Variants in LIG1 observed in about 807,000 individuals in gnomAD.
LIG1 encodes ligase I, DNA, ATP-dependent.
LIG1 carries 70 observed loss-of-function variants against 115.7 expected under a neutral mutation model. The ratio of observed to expected loss-of-function variants is 0.60; its 90% CI spans 0.50 to 0.74. LIG1 has a LOEUF of 0.74. LIG1 is among the 30% of genes least tolerant of loss of function. The probability of loss-of-function intolerance (pLI) is 0.00; values close to 1 mark genes in which losing one functional copy is unlikely to be tolerated. For synonymous variants in LIG1, 487 were observed against 495.3 expected (o/e 0.98, Z 0.22); for missense variants, 1,115 against 1,225.6 (o/e 0.91, Z 1.35).
At chr19:48,155,359 AG>A (rs1265948977) in intron 5 of LIG1, among the ~76,000 whole-genome samples, 1 of 152,186 alleles carries the variant, frequency 6.6e-6, no homozygotes, top group Non-Finnish European at 1.5e-5. Flanking sequence ...CCGATTCTCC[AG>A]AAACAAGGAA....
chr19:48,137,573 G>A lies in LIG1; in HGVS notation c.1203C>T (p.Ala401=), dbSNP rs1466077767. The change falls in exon 13 of 28, where the codon GCC becomes GCT. Residue 401 remains alanine (A), a synonymous_variant. Transcript: ENST00000263274. The surrounding 1 kb of genome is among the most constrained non-coding windows in gnomAD (Gnocchi z 4.3). ...RLMLPPPPLT[A]SGVFSKFRDI... ...CGCGGAACTTGCTGAAGACCCCGGAGGCAGTGAGCGGAGGTGGTGGCAGCA... is the reference window on the plus strand; with the variant it reads ...CGCGGAACTTGCTGAAGACCCCGGAAGCAGTGAGCGGAGGTGGTGGCAGCA... The A allele has an allele frequency of 8.1e-6, 13 of 1,613,382 alleles. No homozygotes were observed. The highest frequency in any genetic ancestry group is 1.1e-5 in the Non-Finnish European group (13 of 1,180,022).
chr19:48,120,623 G>C (rs1380246032), intron 24 of LIG1: 1 of 900,640 alleles, frequency 1.1e-6, no homozygotes, highest in Non-Finnish European at 1.3e-6. Flanking sequence ...AGCTAGGGGT[G>C]AGCCATGGAG....
At chr19:48,158,463 C>A (rs745788062) in intron 4 of LIG1, among the ~76,000 whole-genome samples, 2 of 152,234 alleles carry the variant, frequency 1.3e-5, no homozygotes, top group African/African-American at 4.8e-5. Flanking sequence ...GCCACTGCTA[C>A]CGTGTCTCGG....
chr19:48,123,670 T>C (rs1310948813), intron 21 of LIG1: 1 of 346,734 alleles, frequency 2.9e-6, no homozygotes, highest in Non-Finnish European at 5.6e-6. Context: ...CAGGCTGGAG[T>C]GCGGTGGTGC....
At chr19:48,161,188 C>T in intron 4 of LIG1, 184 bp downstream of exon 4, 1 of 781,994 alleles carries the variant, frequency 1.3e-6, no homozygotes, top group Non-Finnish European at 2.2e-6. Context: ...AGGAGCCCAC[C>T]CGAGGTCCTA....
chr19:48,161,116 T>C, intron 4 of LIG1: 4 of 558,846 alleles, frequency 7.2e-6, no homozygotes, highest in South Asian at 3.9e-5. Context: ...AGTCACCCTA[T>C]GAGGAAGGTG....
Position 48,137,436 on chromosome 19 carries a change from G to A in LIG1, c.1254+86C>T, listed in dbSNP as rs3730967. On this transcript the variant is annotated intron_variant, in intron 13 of 27. Coordinates refer to ENST00000263274, the MANE Select transcript of LIG1 (RefSeq NM_000234.3). This position sits in a 1 kb window ranked among gnomAD's most constrained non-coding sequence, Gnocchi z 4.3. ...AAGGACTGATGCGACCCAGCTGATGGTCTACCCAGAAGCCTTCCTGACACA... is the reference window on the plus strand; with the variant it reads ...AAGGACTGATGCGACCCAGCTGATGATCTACCCAGAAGCCTTCCTGACACA... The A allele has an allele frequency of 2.5e-4, 377 of 1,535,670 alleles. No homozygotes were observed. The highest frequency in any genetic ancestry group is 3.1e-4 in the Non-Finnish European group (348 of 1,132,148).
chr19:48,150,539 G>A (rs917127230), intron 7 of LIG1, among the ~76,000 whole-genome samples: 57 of 152,178 alleles, frequency 3.7e-4, no homozygotes, highest in Non-Finnish European at 5.6e-4. Flanking sequence ...AATTCTCCCG[G>A]CAAGTGTTGT....
In LIG1 at chr19:48,137,454, C is replaced by A; in HGVS notation, c.1254+68G>T. 1 of 1,588,296 alleles carries A rather than the reference C, an allele frequency of 6.3e-7. No individual in the cohort carries two copies. Among genetic ancestry groups the A allele is most frequent in the Non-Finnish European group, 8.5e-7 (1 of 1,171,574 alleles). ...GCTGATGGTCTACCCAGAAGCCTTC[C>A]TGACACACGCGTGGCCTCAGGTCCC... On this transcript the variant is annotated intron_variant, in intron 13 of 27. Transcript: ENST00000263274. The surrounding 1 kb of genome is among the most constrained non-coding windows in gnomAD (Gnocchi z 4.3).
At chr19:48,151,414 G>A in intron 6 of LIG1, 75 bp from the exon 7 acceptor site, 1 of 909,138 alleles carries the variant, frequency 1.1e-6, no homozygotes, top group Non-Finnish European at 1.9e-6. Flanking sequence ...TCTGGAGACA[G>A]TCTGCCCTCA....
chr19:48,116,222 T>A, intron 26 of LIG1: 1 of 443,246 alleles, frequency 2.3e-6, no homozygotes, highest in Non-Finnish European at 4.2e-6. Flanking sequence ...GGCGGGTGGA[T>A]CACGAGGTCA....
chr19:48,131,023 T>A, intron 19 of LIG1, 53 bp downstream of exon 19: 1 of 1,464,752 alleles, frequency 6.8e-7, no homozygotes, highest in East Asian at 2.3e-5. Context: ...CTCAGGCCTT[T>A]GCACCCCTGA....
At chr19:48,138,918 T>G (rs1177427265) in intron 12 of LIG1, among the ~76,000 whole-genome samples, 2 of 152,096 alleles carry the variant, frequency 1.3e-5, no homozygotes, top group African/African-American at 4.8e-5. Context: ...TTGAGTCTCA[T>G]CTCCTCTGGC....
At chr19:48,119,529 CTTTTTTTTTTTTTT>C (rs71334267) in intron 24 of LIG1, among the ~76,000 whole-genome samples, 22 of 68,012 alleles carry the variant, frequency 3.2e-4, no homozygotes, top group African/African-American at 1.3e-3. Context: ...CACTTCCAGT[CTTTTTTTTTTTTTT>C]TTTTTTTTTT....
intron 19 of LIG1, among the ~76,000 whole-genome samples, chr19:48,129,899 G>C (rs997682395): frequency 6.6e-6 from 1 of 152,134 alleles, no homozygotes; most frequent in African/African-American, 2.4e-5. Flanking sequence ...GGGACTACAG[G>C]TGCGTGCCAC....
chr19:48,127,335 G>A lies in LIG1; in HGVS notation c.1946C>T (p.Ser649Phe). Residue 649 changes from serine to phenylalanine, a missense_variant, in exon 21 of 28, where the codon TCT (serine) becomes TTT (phenylalanine). Physicochemically the swap from Ser to Phe is radical, Grantham distance 155 (BLOSUM62 -2). Coordinates refer to ENST00000263274, the MANE Select transcript of LIG1 (RefSeq NM_000234.3). ...TTRKRKEVDA[S>F]EIQVQVCLYA... The stretch of plus-strand genomic sequence containing the variant: ...CAAACACACCTGCACCTGGATCTCA[G>A]ACGCATCCACCTCCTGGGTTGGGGC... The A allele has an allele frequency of 2.5e-6, 4 of 1,613,466 alleles. No homozygotes were observed. The highest frequency in any genetic ancestry group is 2.5e-6 in the Non-Finnish European group (3 of 1,180,020).
intron 4 of LIG1, among the ~76,000 whole-genome samples, chr19:48,160,265 C>T (rs920569548): frequency 3.9e-5 from 6 of 152,164 alleles, no homozygotes; most frequent in East Asian, 1.9e-4. Flanking sequence ...AGGAAAGTTT[C>T]GCTGAGGAAG....
Position 48,136,025 on chromosome 19 carries a change from G to A in LIG1, c.1423+9C>T. 2 of 1,555,790 alleles carry A rather than the reference G, an allele frequency of 1.3e-6. No individual in the cohort carries two copies. Among genetic ancestry groups the A allele is most frequent in the Non-Finnish European group, 1.7e-6 (2 of 1,149,766 alleles). ...GCGAGGGATGCAGAGACGGGCCACA[G>A]GAGCTCACCTTGGCCCGGGGGCGTG... is the stretch of plus-strand genomic sequence containing the variant. On this transcript the variant is annotated intron_variant, in intron 15 of 27. Coordinates refer to ENST00000263274, the MANE Select transcript of LIG1 (RefSeq NM_000234.3).
chr19:48,117,864 G>A, intron 25 of LIG1, 83 bp from the exon 26 acceptor site: 9 of 1,509,098 alleles, frequency 6.0e-6, no homozygotes, highest in Non-Finnish European at 8.2e-6. Flanking sequence ...GGGAGAGGGA[G>A]GAAGGGAAAA....
Sources: gnomAD v4.1 joint callset for allele counts (sites outside exome capture counted in the v4.1 genomes callset) on GRCh38, gnomAD v4.1.1 for gene constraint, Gnocchi (gnomAD v3.1) non-coding constraint, MANE v1.5 for transcripts, NCBI Gene and HGNC (gene_info 2026-07-23, HGNC 2026-07-21) for gene names.